The following EPHA6 variants were observed in gnomAD, a reference collection of about 807,000 sequenced individuals.
EPHA6 encodes EPH receptor A6.
In EPHA6, 50 loss-of-function variants were observed where a neutral mutation model predicts 112.0. That is an observed-to-expected ratio of 0.45 (90% CI 0.36 to 0.56). The LOEUF is 0.56. Among genes scored for constraint, EPHA6 ranks in the 20% least tolerant of loss-of-function variants. EPHA6 has a pLI of 0.00. For synonymous variants in EPHA6, 529 were observed against 490.7 expected (o/e 1.08, Z -1.03); for missense variants, 1,280 against 1,417.4 (o/e 0.90, Z 1.56).
At chr3:97,657,852 C>T (rs1317719066) in intron 14 of EPHA6, among the ~76,000 whole-genome samples, 1 of 151,700 alleles carries the variant, frequency 6.6e-6, no homozygotes, top group African/African-American at 2.4e-5. Context: ...TTAATAAACA[C>T]CCAGGTGATT....
At chr3:96,896,843 A>T (rs2038297268) in intron 2 of EPHA6, among the ~76,000 whole-genome samples, 1 of 152,152 alleles carries the variant, frequency 6.6e-6, no homozygotes, top group African/African-American at 2.4e-5. Flanking sequence ...TTTTTCATTT[A>T]TCCATTCAAG....
chr3:97,209,593 T>C (rs2077810523), intron 3 of EPHA6, among the ~76,000 whole-genome samples: 1 of 152,218 alleles, frequency 6.6e-6, no homozygotes, highest in Non-Finnish European at 1.5e-5. Flanking sequence ...AATAACTTTC[T>C]ATAAAAATGT....
chr3:97,278,234 C>G (rs931948805), intron 5 of EPHA6, among the ~76,000 whole-genome samples: 9 of 152,192 alleles, frequency 5.9e-5, no homozygotes, highest in South Asian at 2.1e-4. Flanking sequence ...CCAATGACTG[C>G]TAGTTTCCTT....
chr3:97,252,424 C>T (rs142682815), intron 5 of EPHA6, among the ~76,000 whole-genome samples: 1 of 152,274 alleles, frequency 6.6e-6, no homozygotes, highest in Non-Finnish European at 1.5e-5. Flanking sequence ...CACATACACA[C>T]ACACACGCGC....
chr3:97,313,999 A>G (rs1315986441), intron 5 of EPHA6, among the ~76,000 whole-genome samples: 1 of 151,690 alleles, frequency 6.6e-6, no homozygotes, highest in East Asian at 1.9e-4. Context: ...TTCTTCTAAT[A>G]CCATTAGTTT....
intron 16 of EPHA6, among the ~76,000 whole-genome samples, chr3:97,743,709 G>C (rs755110336): frequency 3.3e-5 from 5 of 152,086 alleles, no homozygotes; most frequent in African/African-American, 4.8e-5. Context: ...AGTTGTGTTA[G>C]AGTGCAAGAG....
intron 6 of EPHA6, among the ~76,000 whole-genome samples, chr3:97,432,138 C>A (rs2089547705): frequency 6.6e-6 from 1 of 152,056 alleles, no homozygotes; most frequent in Admixed American, 6.6e-5. Flanking sequence ...AAGTGCCAGA[C>A]CCCTGGGAAT....
chr3:96,980,069 G>A (rs1410449348), intron 2 of EPHA6, among the ~76,000 whole-genome samples: 1 of 152,168 alleles, frequency 6.6e-6, no homozygotes, highest in East Asian at 1.9e-4. Flanking sequence ...GATCCCATTT[G>A]TCAATTTTGG....
chr3:97,511,121 G>A (rs989945201), intron 10 of EPHA6, among the ~76,000 whole-genome samples: 26 of 152,190 alleles, frequency 1.7e-4, no homozygotes, highest in Non-Finnish European at 2.9e-4. Flanking sequence ...GCTCTTTGCG[G>A]GTGGGATCCA....
In EPHA6 at chr3:97,389,357, C is replaced by A. The variant is rs1438071706; in HGVS notation, c.1607-15793C>A. 3.9e-5 allele frequency among the ~76,000 whole-genome samples: 6 copies of A among 151,942 alleles called. No individual in the cohort carries two copies. In the South Asian group the frequency reaches 1.0e-3, roughly 26 times the overall value. Reference sequence around the variant, plus strand: ...TCATGATGTGTGCTGGTCAGCATTGCACATGTCAGATATTTATATTATCTC... The same window carrying A: ...TCATGATGTGTGCTGGTCAGCATTGAACATGTCAGATATTTATATTATCTC... On this transcript the variant is annotated intron_variant, in intron 5 of 17. Coordinates refer to ENST00000389672, the MANE Select transcript of EPHA6 (RefSeq NM_001080448.3).
At chr3:97,240,543 T>C (rs1326245865) in intron 4 of EPHA6, among the ~76,000 whole-genome samples, 2 of 151,922 alleles carry the variant, frequency 1.3e-5, no homozygotes, top group African/African-American at 4.8e-5. Flanking sequence ...ATTGACTTAA[T>C]TGGTGAGCAG....
At chr3:97,424,522 T>C (rs1462476811) in intron 6 of EPHA6, among the ~76,000 whole-genome samples, 1 of 151,966 alleles carries the variant, frequency 6.6e-6, no homozygotes, top group Non-Finnish European at 1.5e-5. Flanking sequence ...AGCAAATTAG[T>C]GGCCATGCTT....
chr3:96,968,781 A>G (rs1576198626), intron 2 of EPHA6, among the ~76,000 whole-genome samples: 1 of 151,888 alleles, frequency 6.6e-6, no homozygotes, highest in South Asian at 2.1e-4. Context: ...TGCTAAGCGA[A>G]TGACTATTAA....
intron 5 of EPHA6, among the ~76,000 whole-genome samples, chr3:97,306,453 T>C (rs575358655): frequency 6.6e-6 from 1 of 151,900 alleles, no homozygotes; most frequent in African/African-American, 2.4e-5. Flanking sequence ...AATGGAAGTG[T>C]GAGGATAGCA....
rs2085853268 is a variant in EPHA6 at position 97,383,189 on chromosome 3, T to C, written c.1607-21961T>C. On this transcript the variant is annotated intron_variant, in intron 5 of 17. Transcript: ENST00000389672. ...AATAAGCTGTGGACTTACTAATATT[T>C]TTTATAGTGATCTCTCTATAAAAAT... Among the ~76,000 whole-genome samples the C allele has an allele frequency of 4.6e-5, 7 of 152,156 alleles. No homozygotes were observed. The South Asian group carries it at 1.2e-3, about 27-fold the overall frequency.
At chr3:97,190,479 G>T (rs553756487) in intron 3 of EPHA6, among the ~76,000 whole-genome samples, 2 of 152,130 alleles carry the variant, frequency 1.3e-5, no homozygotes, top group Admixed American at 6.6e-5. Flanking sequence ...GGATTAAACT[G>T]CAGTTACTCA....
At chr3:96,936,091 A>T (rs2040566894) in intron 2 of EPHA6, among the ~76,000 whole-genome samples, 1 of 152,078 alleles carries the variant, frequency 6.6e-6, no homozygotes, top group Non-Finnish European at 1.5e-5. Context: ...ACCTGATGTT[A>T]CTTCTCCTCT....
At chr3:97,230,265 T>C (rs2078486260) in intron 4 of EPHA6, among the ~76,000 whole-genome samples, 1 of 152,150 alleles carries the variant, frequency 6.6e-6, no homozygotes, top group Admixed American at 6.5e-5. Flanking sequence ...TAGTCAATAA[T>C]TGAGAAGGCT....
chr3:97,647,233 G>A (rs2094071884), intron 14 of EPHA6, among the ~76,000 whole-genome samples: 1 of 151,826 alleles, frequency 6.6e-6, no homozygotes, highest in South Asian at 2.1e-4. Context: ...AAAAACAAAG[G>A]GATTATTGAG....
Sources: allele counts gnomAD v4.1 joint callset (sites outside exome capture counted in the v4.1 genomes callset), GRCh38; gene constraint gnomAD v4.1.1; transcripts MANE v1.5; gene names NCBI Gene and HGNC (gene_info 2026-07-23, HGNC 2026-07-21).